PRDM11: variants seen among roughly 807,000 people sequenced by gnomAD.
The protein encoded by PRDM11 is PR/SET domain 11.
PRDM11 carries 20 observed loss-of-function variants against 97.8 expected under a neutral mutation model. The ratio of observed to expected loss-of-function variants is 0.20; its 90% CI spans 0.14 to 0.30. The LOEUF (loss-of-function observed/expected upper bound fraction) is 0.30, where lower values mean the gene tolerates loss of function less well. Among genes scored for constraint, PRDM11 ranks in the 10% least tolerant of loss-of-function variants. The pLI, the probability that PRDM11 is intolerant of heterozygous loss-of-function variation, is 1.00. For missense variants in PRDM11, 1,139 were observed against 1,555.2 expected, an observed-to-expected ratio of 0.73 and a Z score of 4.50; for synonymous variants, 599 against 637.7, an observed-to-expected ratio of 0.94 and a Z score of 0.91.
At chr11:45,213,427 T>G in intron 5 of PRDM11, 1 of 446,558 alleles carries the variant, frequency 2.2e-6, no homozygotes, top group Non-Finnish European at 4.5e-6. Flanking sequence ...ACATGTGACC[T>G]CCCAGGCCCT....
At chr11:45,122,595 G>T (rs1220886983) in intron 1 of PRDM11, among the ~76,000 whole-genome samples, 9 of 150,418 alleles carry the variant, frequency 6.0e-5, no homozygotes, top group South Asian at 2.1e-4. Context: ...GCAGTGTTTG[G>T]TTTTTTTGTC....
intron 1 of PRDM11, among the ~76,000 whole-genome samples, chr11:45,113,824 GT>G (rs1205157530): frequency 0.016 from 1,130 of 70,622 alleles, 15 homozygotes; most frequent in African/African-American, 0.048. Flanking sequence ...GTGTGTGTGT[GT>G]TTTGTTTTTT....
At chr11:45,105,717 C>T (rs1050454026) in intron 1 of PRDM11, among the ~76,000 whole-genome samples, 1 of 152,248 alleles carries the variant, frequency 6.6e-6, no homozygotes, top group African/African-American at 2.4e-5. Flanking sequence ...ATTGCCAGGA[C>T]GTAGCCTCAG....
chr11:45,208,843 C>T, intron 5 of PRDM11: 1 of 406,908 alleles, frequency 2.5e-6, no homozygotes, highest in Non-Finnish European at 5.0e-6. Context: ...GTCATTTACC[C>T]AATTGTGCTT....
intron 1 of PRDM11, among the ~76,000 whole-genome samples, chr11:45,140,956 C>T: frequency 6.6e-6 from 1 of 152,154 alleles, no homozygotes; most frequent in East Asian, 1.9e-4. Context: ...CCATTGAGGA[C>T]TTCCAAAATG....
intron 1 of PRDM11, among the ~76,000 whole-genome samples, chr11:45,114,119 C>T (rs1476809114): frequency 6.6e-6 from 1 of 152,012 alleles, no homozygotes; most frequent in Non-Finnish European, 1.5e-5. Context: ...TAGAACCACT[C>T]ATGTCAAAGA....
At chr11:45,157,263 C>G (rs1203151453) in intron 1 of PRDM11, among the ~76,000 whole-genome samples, 2 of 152,102 alleles carry the variant, frequency 1.3e-5, no homozygotes, top group Non-Finnish European at 2.9e-5. Flanking sequence ...GGGGATGAAA[C>G]TATTCCACTT....
At chr11:45,180,680 G>T (rs1314762964) in intron 1 of PRDM11, among the ~76,000 whole-genome samples, 1 of 150,146 alleles carries the variant, frequency 6.7e-6, no homozygotes, top group African/African-American at 2.4e-5. Flanking sequence ...GGCGGGGGGC[G>T]GGCGCTGGGC....
At chr11:45,156,535 C>G (rs1851800072) in intron 1 of PRDM11, among the ~76,000 whole-genome samples, 1 of 152,252 alleles carries the variant, frequency 6.6e-6, no homozygotes, top group Non-Finnish European at 1.5e-5. Flanking sequence ...GACATGCAGA[C>G]TTTGAGAGAA....
At position 45,231,135 on chromosome 11, in the gene PRDM11, C is replaced by T. The variant is rs1490589401; in HGVS notation, c.*2976C>T. ...AGCCATGCCAGGGCTGTGGCAGACA[C>T]TCTGTAGGCCACACTGCCATGGGAC... On this transcript the variant is annotated 3_prime_UTR_variant, in exon 8 of 8. Coordinates refer to ENST00000683152, the MANE Select transcript of PRDM11 (RefSeq NM_001384648.1). 2 of 152,192 alleles carry T rather than the reference C, an allele frequency of 1.3e-5. No homozygotes were observed. The highest frequency in any genetic ancestry group is 2.9e-5 in the Non-Finnish European group (2 of 68,050). The allele number at this position is 152,192 out of a possible 1,614,324, so 9.4% of individuals were successfully genotyped here. A position where few individuals can be genotyped will look rare whatever the true frequency, so the allele number is the denominator to read the frequency against.
intron 1 of PRDM11, among the ~76,000 whole-genome samples, chr11:45,105,248 C>T (rs1044963633): frequency 6.6e-6 from 1 of 152,252 alleles, no homozygotes; most frequent in Non-Finnish European, 1.5e-5. Flanking sequence ...CTCAATGCCC[C>T]ACCTCCTAAT....
At chr11:45,210,262 C>G (rs973957373) in intron 5 of PRDM11, among the ~76,000 whole-genome samples, 1 of 152,222 alleles carries the variant, frequency 6.6e-6, no homozygotes, top group Non-Finnish European at 1.5e-5. Flanking sequence ...CTCCGCCACC[C>G]GCTCCCCACC....
At position 45,226,685 on chromosome 11, in the gene PRDM11, C is replaced by T. The variant is rs1481088302; in HGVS notation, c.2060C>T (p.Pro687Leu). ...CAGTACACCAGCAGTGATGGGCCCC[C>T]GGCCACAGAGTTCCTGTCCCTGCAG... ...YVQYTSSDGP[P>L]ATEFLSLQEL... The change falls in exon 8 of 8, where the codon CCG becomes CTG. Residue 687 changes from proline (P) to leucine (L), a missense_variant. This residue lies in a region of PRDM11 where 710 missense variants were observed against 1,044.9 expected (regional missense o/e 0.68). Coordinates refer to ENST00000683152, the MANE Select transcript of PRDM11 (RefSeq NM_001384648.1). 8 of 1,533,870 alleles carry T rather than the reference C, an allele frequency of 5.2e-6. No homozygotes were observed. Among genetic ancestry groups the T allele is most frequent in the East Asian group, 2.4e-5 (1 of 40,924 alleles).
intron 6 of PRDM11, among the ~76,000 whole-genome samples, chr11:45,222,053 G>C (rs1453056277): frequency 1.3e-5 from 2 of 152,220 alleles, no homozygotes; most frequent in East Asian, 3.8e-4. Flanking sequence ...GATATTGGTT[G>C]TTGCCAGAAG....
chr11:45,154,779 CATTTTATAGCTCAGAAAACT>C (rs907986251), intron 1 of PRDM11, among the ~76,000 whole-genome samples: 1 of 152,210 alleles, frequency 6.6e-6, no homozygotes, highest in Non-Finnish European at 1.5e-5. Flanking sequence ...TTAAAACCCC[CATTTTATAGCTCAGAAAACT>C]GAGGCTCAGA....
intron 4 of PRDM11, among the ~76,000 whole-genome samples, chr11:45,196,308 A>G (rs777584009): frequency 1.3e-5 from 2 of 152,182 alleles, no homozygotes; most frequent in Non-Finnish European, 2.9e-5. Context: ...AGAGCTACCC[A>G]GGATGGATGC....
intron 1 of PRDM11, among the ~76,000 whole-genome samples, chr11:45,128,396 G>A (rs931741722): frequency 3.9e-5 from 6 of 152,148 alleles, no homozygotes; most frequent in South Asian, 2.1e-4. Flanking sequence ...AGATGAACCC[G>A]GTACCTCAGA....
chr11:45,161,802 G>GCTGC, intron 1 of PRDM11, among the ~76,000 whole-genome samples: 1 of 152,352 alleles, frequency 6.6e-6, no homozygotes, highest in African/African-American at 2.4e-5. Context: ...CACTGATGCT[G>GCTGC]CTGCCTAAGC....
At chr11:45,197,918 G>A (rs1269336409) in intron 4 of PRDM11, among the ~76,000 whole-genome samples, 1 of 152,104 alleles carries the variant, frequency 6.6e-6, no homozygotes, top group African/African-American at 2.4e-5. Flanking sequence ...TATACCTAAT[G>A]TAAATGACGA....
Sources: gnomAD v4.1 joint callset for allele counts (sites outside exome capture counted in the v4.1 genomes callset) on GRCh38, gnomAD v4.1.1 for gene constraint, gnomAD v4.1.1 regional missense constraint, MANE v1.5 for transcripts, NCBI Gene and HGNC (gene_info 2026-07-23, HGNC 2026-07-21) for gene names.